Variants in DCAF8L2 observed in about 807,000 individuals in gnomAD.
The protein encoded by DCAF8L2 is DDB1 and CUL4 associated factor 8 like 2.
For synonymous variants in DCAF8L2, 200 were observed against 190.9 expected (o/e 1.05, Z -0.39); for missense variants, 430 against 490.7 (o/e 0.88, Z 1.17).
the DCAF8L2 span, among the ~76,000 whole-genome samples, chrX:27,497,939 T>C: frequency 8.9e-6 from 1 of 112,456 alleles, no homozygotes; most frequent in Non-Finnish European, 1.9e-5. Context: ...GTGACTGGTT[T>C]ATTTCAGTCA....
chrX:27,528,476 G>GTGTATA, the DCAF8L2 span, among the ~76,000 whole-genome samples: 23 of 83,438 alleles, frequency 2.8e-4, no homozygotes, highest in East Asian at 1.5e-3. Flanking sequence ...ATGTGTATGT[G>GTGTATA]TATATATATA....
chrX:27,666,490 ATAT>A lies in DCAF8L2; in HGVS notation c.-219-11344_-219-11342del, dbSNP rs759508800. ...CAGATCTATCCAAGTAACAGATACC[ATAT>A]TTTAACCTGGATGGAAAATATTCTA... On this transcript the variant is annotated intron_variant, in intron 2 of 4. Coordinates refer to ENST00000451261, the MANE Select transcript of DCAF8L2 (RefSeq NM_001353450.2). Among the ~76,000 whole-genome samples the A allele has an allele frequency of 8.9e-5, 10 of 112,266 alleles. No homozygotes were observed. In the East Asian group the frequency reaches 2.5e-3, roughly 28 times the overall value.
intron 4 of DCAF8L2, among the ~76,000 whole-genome samples, chrX:27,733,448 A>G (rs1726368775): frequency 8.9e-6 from 1 of 111,952 alleles, no homozygotes; most frequent in Non-Finnish European, 1.9e-5. Context: ...TATCAAATAT[A>G]TGGTTTGCAA....
chrX:27,732,847 A>C (rs1921294286), intron 4 of DCAF8L2, among the ~76,000 whole-genome samples: 1 of 110,680 alleles, frequency 9.0e-6, no homozygotes, highest in Non-Finnish European at 1.9e-5. Flanking sequence ...ACAGTGTGCA[A>C]GGTTCCCTTT....
rs1930376496 is a variant in DCAF8L2, at chrX:27,682,884, T to G, written c.-143+4972T>G. On this transcript the variant is annotated intron_variant, in intron 3 of 4. Transcript: ENST00000451261. ...AGCCACAAGATATTGAATAGGAGGT[T>G]CTGAGTTGGGTCACTGCTCCATTTG... is the stretch of plus-strand genomic sequence containing the variant. 1.8e-5 allele frequency among the ~76,000 whole-genome samples: 2 copies of G among 110,647 alleles called. 1 individual carries two copies. Among genetic ancestry groups the G allele is most frequent in the Admixed American group, 2.0e-4 (2 of 10,225 alleles).
intron 4 of DCAF8L2, among the ~76,000 whole-genome samples, chrX:27,745,332 A>T (rs920924620): frequency 3.6e-5 from 4 of 111,879 alleles, no homozygotes; most frequent in Non-Finnish European, 7.5e-5. Flanking sequence ...TTTTTAAATG[A>T]TGTTATTTTA....
the DCAF8L2 span, among the ~76,000 whole-genome samples, chrX:27,541,342 A>ATTTT: frequency 6.6e-4 from 53 of 80,484 alleles, no homozygotes; most frequent in African/African-American, 1.9e-3. Flanking sequence ...TTTATTTTTT[A>ATTTT]TTTTATTTAT....
chrX:27,625,817 A>G (rs979834184), intron 1 of DCAF8L2, among the ~76,000 whole-genome samples: 4 of 111,089 alleles, frequency 3.6e-5, no homozygotes, highest in African/African-American at 1.3e-4. Context: ...CTGAGTACAC[A>G]TGAACACAAA....
the DCAF8L2 span, among the ~76,000 whole-genome samples, chrX:27,490,484 C>T: frequency 1.6e-3 from 175 of 109,152 alleles, 1 homozygote; most frequent in Admixed American, 2.4e-3. Context: ...TTTTTGGAGA[C>T]GGAGTCTCGC....
chrX:27,721,304 A>T (rs1164735933), intron 4 of DCAF8L2, among the ~76,000 whole-genome samples: 3 of 111,880 alleles, frequency 2.7e-5, no homozygotes, highest in Non-Finnish European at 5.7e-5. Context: ...AAAGAAGGAA[A>T]AGTTAAAAGC....
At chrX:27,500,651 C>T in the DCAF8L2 span, among the ~76,000 whole-genome samples, 1 of 111,739 alleles carries the variant, frequency 8.9e-6, no homozygotes, top group South Asian at 3.7e-4. Context: ...AAAACCGTAA[C>T]TGCAGAAAAA....
intron 2 of DCAF8L2, 82 bp from the exon 3 acceptor site, chrX:27,677,754 C>G (rs977018315): frequency 3.6e-5 from 4 of 111,790 alleles, no homozygotes; most frequent in African/African-American, 1.3e-4. Context: ...AGGTGGGTAA[C>G]AGAATATTTA....
rs750011372 is a variant in DCAF8L2, at chrX:27,746,785, G to A, written c.-58-53G>A. On this transcript the variant is annotated intron_variant, in intron 4 of 4. Coordinates refer to ENST00000451261, the MANE Select transcript of DCAF8L2 (RefSeq NM_001353450.2). The stretch of plus-strand genomic sequence containing the variant: ...TCAGATTGCTGTTTGATTGCCACGC[G>A]CTTACTTCCTTCACTACCATCAGTC... 29 of 692,436 alleles carry A rather than the reference G, an allele frequency of 4.2e-5. No individual in the cohort carries two copies. The African/African-American group carries it at 5.3e-4, about 13-fold the overall frequency. The allele number at this position is 692,436 out of a possible 1,213,427, so 57.1% of individuals were successfully genotyped here. A position where few individuals can be genotyped will look rare whatever the true frequency, so the allele number is the denominator to read the frequency against.
chrX:27,494,233 C>A, the DCAF8L2 span, among the ~76,000 whole-genome samples: 1 of 110,019 alleles, frequency 9.1e-6, no homozygotes, highest in South Asian at 3.9e-4. Flanking sequence ...TGGTGAAACC[C>A]CATCTCTACT....
At chrX:27,642,172 C>T (rs1365671970) in intron 2 of DCAF8L2, among the ~76,000 whole-genome samples, 2 of 110,773 alleles carry the variant, frequency 1.8e-5, no homozygotes, top group Non-Finnish European at 3.8e-5. Context: ...GGATAACAAG[C>T]GTGAGCCACC....
chrX:27,598,351 CCCA>C (rs201247649), intron 1 of DCAF8L2, among the ~76,000 whole-genome samples: 42 of 110,937 alleles, frequency 3.8e-4, no homozygotes, highest in African/African-American at 1.4e-3. Context: ...TATAACCCCC[CCCA>C]CCCAACCCCC....
Position 27,637,527 on chromosome X carries a change from A to T in DCAF8L2, c.-220+5527A>T, listed in dbSNP as rs184111932. Among the ~76,000 whole-genome samples, 103 of 112,148 alleles carry T rather than the reference A, an allele frequency of 9.2e-4. No homozygotes were observed. In the South Asian group the frequency reaches 0.033, roughly 36 times the overall value. Reference sequence around the variant, plus strand: ...GGACCAGCACACAACTTCAGATGGCATCATTCGATTTGAGCATCCAGCTCA... The same window carrying T: ...GGACCAGCACACAACTTCAGATGGCTTCATTCGATTTGAGCATCCAGCTCA... On this transcript the variant is annotated intron_variant, in intron 2 of 4. Transcript: ENST00000451261.
intron 3 of DCAF8L2, among the ~76,000 whole-genome samples, chrX:27,679,543 G>A (rs1271869365): frequency 9.0e-6 from 1 of 110,855 alleles, no homozygotes; most frequent in African/African-American, 3.3e-5. Flanking sequence ...GTAATAGATT[G>A]CATCCAGTTC....
chrX:27,644,630 G>A (rs1016575986), intron 2 of DCAF8L2, among the ~76,000 whole-genome samples: 1 of 111,551 alleles, frequency 9.0e-6, no homozygotes, highest in Non-Finnish European at 1.9e-5. Context: ...CTATGAAGAG[G>A]AGGCTGGAAA....
Sources: gnomAD v4.1 joint callset for allele counts (sites outside exome capture counted in the v4.1 genomes callset) on GRCh38, gnomAD v4.1.1 for gene constraint, MANE v1.5 for transcripts, NCBI Gene and HGNC (gene_info 2026-07-23, HGNC 2026-07-21) for gene names.